Variants in CASR observed in about 807,000 individuals in gnomAD.
CASR encodes calcium sensing receptor, also known as extracellular calcium-sensing receptor.
A neutral mutation model predicts 69.1 loss-of-function variants in CASR; 23 were observed. The ratio of observed to expected loss-of-function variants is 0.33; its 90% CI spans 0.24 to 0.47. The LOEUF (loss-of-function observed/expected upper bound fraction) is 0.47. Ranked by LOEUF, CASR falls within the 20% of genes least tolerant of loss-of-function variation. The pLI, the probability that CASR is intolerant of heterozygous loss-of-function variation, is 1.00. For missense variants in CASR, 924 were observed against 1,356.1 expected, an observed-to-expected ratio of 0.68 and a Z score of 5.00; for synonymous variants, 541 against 544.7, an observed-to-expected ratio of 0.99 and a Z score of 0.10.
At chr3:122,189,841 TC>T (rs1425122740) in intron 1 of CASR, among the ~76,000 whole-genome samples, 3 of 152,234 alleles carry the variant, frequency 2.0e-5, no homozygotes, top group African/African-American at 7.2e-5. Flanking sequence ...TTTGCTTTTC[TC>T]CTCTTAACAG....
At chr3:122,191,669 C>CA (rs34891177) in intron 1 of CASR, among the ~76,000 whole-genome samples, 3 of 151,914 alleles carry the variant, frequency 2.0e-5, no homozygotes, top group Non-Finnish European at 4.4e-5. Context: ...AAAATAAACT[C>CA]AAAAAAATTT....
At chr3:122,238,593 G>C in intron 1 of CASR, among the ~76,000 whole-genome samples, 1 of 152,184 alleles carries the variant, frequency 6.6e-6, no homozygotes, top group East Asian at 1.9e-4. Context: ...CACCAGCCAG[G>C]GTGGCTAAGG....
intron 1 of CASR, among the ~76,000 whole-genome samples, chr3:122,195,597 G>A (rs754547992): frequency 2.6e-5 from 4 of 152,168 alleles, no homozygotes; most frequent in Admixed American, 6.5e-5. Context: ...TTGACAATGC[G>A]TTAGGCATTA....
intron 1 of CASR, among the ~76,000 whole-genome samples, chr3:122,211,067 C>CAA (rs1291873451): frequency 2.0e-5 from 3 of 152,120 alleles, no homozygotes; most frequent in Non-Finnish European, 4.4e-5. Context: ...CCTTTCCTTA[C>CAA]ACCTTATACA....
intron 6 of CASR, among the ~76,000 whole-genome samples, chr3:122,283,372 C>G (rs932405622): frequency 3.3e-5 from 5 of 152,198 alleles, no homozygotes; most frequent in Non-Finnish European, 7.3e-5. Flanking sequence ...GGGCAGCCAC[C>G]TGTCCAGCAA....
At chr3:122,237,877 T>G (rs2074344206) in intron 1 of CASR, among the ~76,000 whole-genome samples, 1 of 152,200 alleles carries the variant, frequency 6.6e-6, no homozygotes, top group Admixed American at 6.5e-5. Context: ...TTTGGTAGTA[T>G]CTACTAAAAC....
At chr3:122,273,724 T>C (rs943565602) in intron 4 of CASR, among the ~76,000 whole-genome samples, 2 of 152,156 alleles carry the variant, frequency 1.3e-5, no homozygotes, top group Non-Finnish European at 2.9e-5. Flanking sequence ...AGAAGGATGA[T>C]GGCCATGTCA....
In CASR at chr3:122,282,196, G is replaced by A; in HGVS notation, c.1692G>A (p.Glu564=). The A allele has an allele frequency of 6.2e-7, 1 of 1,614,220 alleles. No homozygotes were observed. The highest frequency in any genetic ancestry group is 8.5e-7 in the Non-Finnish European group (1 of 1,180,026). Residue 564 remains glutamate, a synonymous_variant, in exon 6 of 7, where the codon GAG becomes GAA. Coordinates refer to ENST00000639785, the MANE Select transcript of CASR (RefSeq NM_000388.4). ...IIEGEPTCCF[E]CVECPDGEYS... Reference sequence around the variant, plus strand: ...AGGGGGAGCCCACCTGCTGCTTTGAGTGTGTGGAGTGTCCTGATGGGGAGT... The same window carrying A: ...AGGGGGAGCCCACCTGCTGCTTTGAATGTGTGGAGTGTCCTGATGGGGAGT...
rs2074998467 is a variant in CASR, at chr3:122,289,988, G to C, written c.*4797G>C. ...GGCAGATAACTCAGGAGGCTGAGGT[G>C]GGGGGATCTGCTTGAGCCCAGGAGG... On this transcript the variant is annotated 3_prime_UTR_variant, in exon 7 of 7. Transcript: ENST00000639785. 1 of 151,920 alleles carries C rather than the reference G, an allele frequency of 6.6e-6. No homozygotes were observed. Among genetic ancestry groups the C allele is most frequent in the African/African-American group, 2.4e-5 (1 of 41,316 alleles). 9.4% of individuals were successfully genotyped at this position (151,920 alleles called of 1,614,324 possible).
intron 1 of CASR, among the ~76,000 whole-genome samples, chr3:122,229,223 C>A (rs187504128): frequency 6.6e-6 from 1 of 152,200 alleles, no homozygotes; most frequent in Non-Finnish European, 1.5e-5. Context: ...TTTTTACCAA[C>A]GTCTATACAC....
intron 1 of CASR, among the ~76,000 whole-genome samples, chr3:122,225,506 A>G (rs1443228313): frequency 6.6e-6 from 1 of 151,860 alleles, no homozygotes; most frequent in Non-Finnish European, 1.5e-5. Flanking sequence ...TCAAAACCAC[A>G]ATAAGATACC....
intron 1 of CASR, among the ~76,000 whole-genome samples, chr3:122,215,706 GC>G (rs111819417): frequency 5.5e-4 from 84 of 152,308 alleles, no homozygotes; most frequent in Middle Eastern, 3.4e-3. Context: ...GGTCAGAGTT[GC>G]CAGGAGCCAT....
rs1372154540 is a variant in CASR, at chr3:122,286,827, C to G, written c.*1636C>G. 6.6e-6 allele frequency: 1 copy of G among 152,280 alleles called. No homozygotes were observed. 9.4% of individuals were successfully genotyped at this position (152,280 alleles called of 1,614,324 possible). A position where few individuals can be genotyped will look rare whatever the true frequency, so the allele number is the denominator to read the frequency against. On this transcript the variant is annotated 3_prime_UTR_variant, in exon 7 of 7. Coordinates refer to ENST00000639785, the MANE Select transcript of CASR (RefSeq NM_000388.4). ...ATTGCAATTAAATCTCCTGAAGCCTCAAATTTTACAGCTCTTGGTGACTTC... is the reference window on the plus strand; with the variant it reads ...ATTGCAATTAAATCTCCTGAAGCCTGAAATTTTACAGCTCTTGGTGACTTC...
chr3:122,237,934 A>G (rs553324994), intron 1 of CASR, among the ~76,000 whole-genome samples: 1 of 152,362 alleles, frequency 6.6e-6, no homozygotes, highest in South Asian at 2.1e-4. Flanking sequence ...TTCTAGGTAT[A>G]TATTCAACAT....
chr3:122,250,881 T>C (rs2074476122), intron 1 of CASR, among the ~76,000 whole-genome samples: 1 of 152,228 alleles, frequency 6.6e-6, no homozygotes. Flanking sequence ...TCTGATCATT[T>C]AGCCCAGCAT....
chr3:122,213,635 T>C (rs978762210), intron 1 of CASR, among the ~76,000 whole-genome samples: 2 of 152,204 alleles, frequency 1.3e-5, no homozygotes, highest in African/African-American at 4.8e-5. Flanking sequence ...TGGTCCTTGT[T>C]AATAACCCAC....
intron 1 of CASR, among the ~76,000 whole-genome samples, chr3:122,230,119 ATGTTTCTGG>A (rs370575590): frequency 8.5e-5 from 13 of 152,310 alleles, no homozygotes; most frequent in African/African-American, 2.4e-4. Flanking sequence ...CTGCTCAGAA[ATGTTTCTGG>A]TGTTTCTGGT....
At chr3:122,264,934 C>T (rs1397689422) in intron 4 of CASR, among the ~76,000 whole-genome samples, 1 of 152,186 alleles carries the variant, frequency 6.6e-6, no homozygotes, top group Admixed American at 6.5e-5. Context: ...GCTGGAACTC[C>T]ATGTCTGCCT....
chr3:122,247,945 T>C (rs1326472630), intron 1 of CASR, among the ~76,000 whole-genome samples: 4 of 152,136 alleles, frequency 2.6e-5, no homozygotes, highest in African/African-American at 9.7e-5. Flanking sequence ...TTCATTACGC[T>C]CCTGTCTTTG....
Sources: allele counts gnomAD v4.1 joint callset (sites outside exome capture counted in the v4.1 genomes callset), GRCh38; gene constraint gnomAD v4.1.1; transcripts MANE v1.5; gene names NCBI Gene and HGNC (gene_info 2026-07-23, HGNC 2026-07-21).